Variants in DPP10 observed in about 807,000 individuals in gnomAD.
DPP10 encodes the protein dipeptidyl peptidase like 10.
In DPP10, 33 loss-of-function variants were observed where a neutral mutation model predicts 120.9. The observed-to-expected ratio is 0.27, with a 90% CI of 0.21 to 0.37. The LOEUF is 0.37. DPP10 is among the 10% of genes least tolerant of loss of function. The probability of loss-of-function intolerance (pLI) is 1.00; values close to 1 mark genes in which losing one functional copy is unlikely to be tolerated. For synonymous variants in DPP10, 337 were observed against 326.1 expected (o/e 1.03, Z -0.36); for missense variants, 816 against 942.8 (o/e 0.87, Z 1.76).
chr2:114,457,226 T>C (rs1678632398), intron 1 of DPP10, among the ~76,000 whole-genome samples: 2 of 152,208 alleles, frequency 1.3e-5, no homozygotes, highest in Admixed American at 1.3e-4. Context: ...TTGCTCTAAC[T>C]TGGGATTTCT....
At chr2:115,728,261 G>T (rs1199436625) in intron 8 of DPP10, among the ~76,000 whole-genome samples, 2 of 146,010 alleles carry the variant, frequency 1.4e-5, no homozygotes, top group East Asian at 2.0e-4. Context: ...GACTCTCTGG[G>T]AAAGAAGAAA....
intron 19 of DPP10, among the ~76,000 whole-genome samples, chr2:115,803,009 C>G (rs1685453576): frequency 6.6e-6 from 1 of 152,126 alleles, no homozygotes; most frequent in Non-Finnish European, 1.5e-5. Flanking sequence ...TCTCATTGAT[C>G]TGTCTAATGT....
intron 1 of DPP10, among the ~76,000 whole-genome samples, chr2:115,279,250 A>T (rs1183033794): frequency 6.6e-6 from 1 of 152,208 alleles, no homozygotes; most frequent in Non-Finnish European, 1.5e-5. Context: ...TTTGAAATAG[A>T]CACAAGGGAA....
At chr2:115,652,534 G>A (rs773107402) in intron 5 of DPP10, among the ~76,000 whole-genome samples, 12 of 151,344 alleles carry the variant, frequency 7.9e-5, no homozygotes, top group Admixed American at 2.6e-4. Context: ...TTATAGAGGC[G>A]GAGAAGTTTC....
At chr2:114,581,468 C>T (rs11690260) in intron 1 of DPP10, among the ~76,000 whole-genome samples, 1 of 152,094 alleles carries the variant, frequency 6.6e-6, no homozygotes, top group Non-Finnish European at 1.5e-5. Flanking sequence ...CAGGCATGAG[C>T]CACCACGCCC....
intron 1 of DPP10, among the ~76,000 whole-genome samples, chr2:115,120,772 C>G (rs895062377): frequency 6.6e-6 from 1 of 152,154 alleles, no homozygotes; most frequent in Non-Finnish European, 1.5e-5. Flanking sequence ...CTAAACATCC[C>G]TCTTTGTAAA....
At chr2:114,785,887 T>G (rs143683928) in intron 1 of DPP10, among the ~76,000 whole-genome samples, 5 of 152,328 alleles carry the variant, frequency 3.3e-5, no homozygotes, top group Non-Finnish European at 5.9e-5. Context: ...TAACATAAAA[T>G]CTGTATTCTG....
chr2:115,297,875 G>A (rs142372338), intron 1 of DPP10, among the ~76,000 whole-genome samples: 3 of 152,088 alleles, frequency 2.0e-5, no homozygotes, highest in South Asian at 2.1e-4. Flanking sequence ...GAAATTTTGG[G>A]CTATTGTTCC....
chr2:115,500,333 A>G (rs1422858416), intron 4 of DPP10, among the ~76,000 whole-genome samples: 3 of 152,012 alleles, frequency 2.0e-5, no homozygotes, highest in African/African-American at 4.8e-5. Context: ...TAAAGTTTCA[A>G]TAGACTGCCA....
Position 114,758,491 on chromosome 2 carries a change from G to A in DPP10, c.60+315653G>A, listed in dbSNP as rs188602838. 2.4e-3 allele frequency among the ~76,000 whole-genome samples: 367 copies of A among 152,268 alleles called. 1 individual carries two copies. Among genetic ancestry groups the A allele is most frequent in the Non-Finnish European group, 3.7e-3 (250 of 68,030 alleles). On this transcript the variant is annotated intron_variant, in intron 1 of 25. Transcript: ENST00000410059. Reference sequence around the variant, plus strand: ...CACCCCTCCTCATTGCGTAGCTTCTGAGTAAGTTATACAGTAATGGTGAAT... The same window carrying A: ...CACCCCTCCTCATTGCGTAGCTTCTAAGTAAGTTATACAGTAATGGTGAAT...
chr2:115,285,515 T>C (rs1574293919), intron 1 of DPP10, among the ~76,000 whole-genome samples: 3 of 152,066 alleles, frequency 2.0e-5, no homozygotes, highest in South Asian at 2.1e-4. Flanking sequence ...CCTTTCTGCA[T>C]AGAACTCCAA....
intron 1 of DPP10, among the ~76,000 whole-genome samples, chr2:114,614,949 G>A (rs776819542): frequency 3.9e-5 from 6 of 152,230 alleles, no homozygotes; most frequent in South Asian, 4.1e-4. Context: ...TCTGAAACAA[G>A]GGGAGCAGTG....
At chr2:115,200,481 C>G (rs2055620477) in intron 1 of DPP10, among the ~76,000 whole-genome samples, 1 of 152,074 alleles carries the variant, frequency 6.6e-6, no homozygotes, top group African/African-American at 2.4e-5. Flanking sequence ...AAAGGAAGCT[C>G]CGTTCAGGAA....
At chr2:115,738,452 C>T (rs1284435924) in intron 8 of DPP10, among the ~76,000 whole-genome samples, 1 of 152,048 alleles carries the variant, frequency 6.6e-6, no homozygotes, top group Non-Finnish European at 1.5e-5. Flanking sequence ...CACTTACTTG[C>T]TATAACTAGA....
At chr2:115,383,942 A>G (rs989103379) in intron 3 of DPP10, among the ~76,000 whole-genome samples, 12 of 152,210 alleles carry the variant, frequency 7.9e-5, no homozygotes, top group African/African-American at 2.7e-4. Flanking sequence ...CCAATAGATC[A>G]TAAGAAATAA....
chr2:114,840,796 A>G (rs1181650859), intron 1 of DPP10, among the ~76,000 whole-genome samples: 1 of 152,166 alleles, frequency 6.6e-6, no homozygotes, highest in Non-Finnish European at 1.5e-5. Context: ...ACTCTATTAA[A>G]CAACTTATTT....
intron 1 of DPP10, among the ~76,000 whole-genome samples, chr2:114,486,997 G>C (rs970616579): frequency 1.3e-5 from 2 of 151,874 alleles, no homozygotes; most frequent in African/African-American, 4.8e-5. Flanking sequence ...TCACATTCTT[G>C]CAAATTTCAG....
intron 1 of DPP10, among the ~76,000 whole-genome samples, chr2:115,045,068 T>C (rs765405619): frequency 1.3e-5 from 2 of 152,220 alleles, no homozygotes; most frequent in Non-Finnish European, 2.9e-5. Context: ...TGAATAGTGC[T>C]GCAATAAATA....
intron 5 of DPP10, among the ~76,000 whole-genome samples, chr2:115,631,139 G>T (rs145217376): frequency 6.2e-5 from 9 of 146,028 alleles, no homozygotes; most frequent in Non-Finnish European, 1.3e-4. Flanking sequence ...CTTCTTCCTC[G>T]TTCAGTCTTG....
Sources: allele counts gnomAD v4.1 joint callset (sites outside exome capture counted in the v4.1 genomes callset), GRCh38; gene constraint gnomAD v4.1.1; transcripts MANE v1.5; gene names NCBI Gene and HGNC (gene_info 2026-07-23, HGNC 2026-07-21).